The following SUZ12 variants were observed in gnomAD, a reference collection of about 807,000 sequenced individuals.
SUZ12 encodes the protein polycomb protein SUZ12.
A neutral mutation model predicts 87.3 loss-of-function variants in SUZ12; 17 were observed. The observed-to-expected ratio is 0.19, with a 90% CI of 0.13 to 0.29. The LOEUF (loss-of-function observed/expected upper bound fraction) is 0.29, where lower values mean the gene tolerates loss of function less well. Ranked by LOEUF, SUZ12 falls within the 10% of genes least tolerant of loss-of-function variation. The pLI, the probability that SUZ12 is intolerant of heterozygous loss-of-function variation, is 1.00. For synonymous variants in SUZ12, 253 were observed against 312.4 expected (o/e 0.81, Z 2.01); for missense variants, 526 against 912.2 (o/e 0.58, Z 5.45).
intron 10 of SUZ12, among the ~76,000 whole-genome samples, 173 bp from the exon 11 acceptor site, chr17:31,993,069 T>C (rs1909805086): frequency 6.6e-6 from 1 of 152,256 alleles, no homozygotes; most frequent in Non-Finnish European, 1.5e-5. Context: ...TTAGGGATGC[T>C]GAATTATGGG....
chr17:31,972,300 A>AATAT (rs1009766479), intron 5 of SUZ12, among the ~76,000 whole-genome samples: 7 of 151,030 alleles, frequency 4.6e-5, no homozygotes, highest in Admixed American at 1.3e-4. Context: ...GGAATTAGGA[A>AATAT]ATATATATAT....
chr17:31,962,124 G>C (rs1907757779), intron 4 of SUZ12, among the ~76,000 whole-genome samples: 1 of 152,144 alleles, frequency 6.6e-6, no homozygotes, highest in East Asian at 1.9e-4. Flanking sequence ...AGAGTATTTT[G>C]CTGGATACTT....
chr17:31,981,553 A>G (rs538419426), intron 8 of SUZ12, among the ~76,000 whole-genome samples: 1 of 152,212 alleles, frequency 6.6e-6, no homozygotes, highest in African/African-American at 2.4e-5. Flanking sequence ...AGCATAAGGA[A>G]GCTCCTTTTT....
chr17:31,977,680 G>A (rs1013899681), intron 8 of SUZ12, among the ~76,000 whole-genome samples: 2 of 152,120 alleles, frequency 1.3e-5, no homozygotes, highest in African/African-American at 4.8e-5. Flanking sequence ...CACGAGGTCA[G>A]GAGTTCGAGA....
At chr17:31,956,000 C>T (rs1168416659) in intron 4 of SUZ12, among the ~76,000 whole-genome samples, 4 of 151,808 alleles carry the variant, frequency 2.6e-5, no homozygotes, top group African/African-American at 9.7e-5. Flanking sequence ...CAAGCTCTGC[C>T]TTCCCGGGTT....
At chr17:31,981,602 ATAAAT>A (rs1186449656) in intron 8 of SUZ12, among the ~76,000 whole-genome samples, 2 of 152,218 alleles carry the variant, frequency 1.3e-5, no homozygotes, top group Non-Finnish European at 2.9e-5. Context: ...CTTTGAGTAA[ATAAAT>A]TAGTTTTTAA....
At chr17:31,977,390 C>T (rs1456773449) in intron 8 of SUZ12, among the ~76,000 whole-genome samples, 5 of 151,690 alleles carry the variant, frequency 3.3e-5, no homozygotes, top group African/African-American at 7.3e-5. Context: ...AGCAAGTCTC[C>T]TGCTTCAGCC....
At chr17:31,954,423 C>T (rs1313398266) in intron 4 of SUZ12, among the ~76,000 whole-genome samples, 1 of 151,998 alleles carries the variant, frequency 6.6e-6, no homozygotes. Flanking sequence ...AAACCTCCCC[C>T]TTTTTAAGCA....
chr17:31,958,159 C>T (rs957157754), intron 4 of SUZ12, among the ~76,000 whole-genome samples: 10 of 151,890 alleles, frequency 6.6e-5, no homozygotes, highest in Non-Finnish European at 1.2e-4. Flanking sequence ...ACCTCAGCCT[C>T]CCAAAGTGCC....
At chr17:31,951,482 C>CTTT (rs1038403579) in intron 4 of SUZ12, among the ~76,000 whole-genome samples, 3 of 133,286 alleles carry the variant, frequency 2.3e-5, no homozygotes, top group African/African-American at 5.5e-5. Flanking sequence ...GTGGTTAGTT[C>CTTT]TTTTTTTTTT....
At chr17:31,977,273 C>CTT (rs762777458) in intron 8 of SUZ12, among the ~76,000 whole-genome samples, 109 of 117,130 alleles carry the variant, frequency 9.3e-4, no homozygotes, top group Non-Finnish European at 1.4e-3. Context: ...GAGATCCCAT[C>CTT]TTTTTTTTTT....
At chr17:31,991,614 T>C (rs973665760) in intron 10 of SUZ12, among the ~76,000 whole-genome samples, 2 of 151,928 alleles carry the variant, frequency 1.3e-5, no homozygotes, top group Admixed American at 6.6e-5. Flanking sequence ...GAAATAATTA[T>C]TTTTTTTGGA....
intron 4 of SUZ12, among the ~76,000 whole-genome samples, chr17:31,958,226 A>G (rs1353870830): frequency 6.6e-6 from 1 of 151,956 alleles, no homozygotes; most frequent in East Asian, 1.9e-4. Flanking sequence ...TGTAGAGATG[A>G]GGTTTCACCG....
intron 8 of SUZ12, among the ~76,000 whole-genome samples, chr17:31,977,267 T>G (rs999840695): frequency 6.9e-6 from 1 of 145,590 alleles, no homozygotes; most frequent in Admixed American, 6.9e-5. Context: ...CAAAGTGAGA[T>G]CCCATCTTTT....
At chr17:31,940,256 C>G in intron 1 of SUZ12, 30 bp from the exon 2 acceptor site, 3 of 1,593,580 alleles carry the variant, frequency 1.9e-6, no homozygotes, top group Non-Finnish European at 2.6e-6. Context: ...AAGTTTAGAT[C>G]ATGTTTGGAT....
rs1906001993 is a variant in SUZ12 at position 31,937,414 on chromosome 17, C to G, written c.168C>G (p.Ser56=). 1 of 1,542,972 alleles carries G rather than the reference C, an allele frequency of 6.5e-7. No individual in the cohort carries two copies. Among genetic ancestry groups the G allele is most frequent in the Non-Finnish European group, 8.7e-7 (1 of 1,145,040 alleles). Residue 56 remains serine (S), a synonymous_variant, in exon 1 of 16, where the codon TCC becomes TCG. Transcript: ENST00000322652. ...GGGGTGGCAGTTACTCGGCCTCCTC[C>G]TCCTCCTCCGCGGCGGCAGCGGCGG... The part of the protein sequence containing the change: ...CGGGGSYSAS[S]SSSAAAAAGA...
rs376392267 is a variant in SUZ12, at chr17:31,982,979, T to A, written c.918-20T>A. 23 of 1,534,902 alleles carry A rather than the reference T, an allele frequency of 1.5e-5. No individual in the cohort carries two copies. In the African/African-American group the frequency reaches 3.1e-4, roughly 21 times the overall value. ...AGTAATAACACAGGTTACTTTAAAG[T>A]ATATGTGTTTGTCTAACAGGCGCTT... On this transcript the variant is annotated intron_variant, in intron 8 of 15. Transcript: ENST00000322652.
At chr17:31,989,765 ATTT>A (rs568524946) in intron 10 of SUZ12, among the ~76,000 whole-genome samples, 21 of 129,864 alleles carry the variant, frequency 1.6e-4, no homozygotes, top group African/African-American at 5.4e-4. Flanking sequence ...CGACCAGCTA[ATTT>A]TTTTTTTTTT....
intron 4 of SUZ12, among the ~76,000 whole-genome samples, chr17:31,956,522 T>G (rs1227889013): frequency 6.6e-6 from 1 of 152,112 alleles, no homozygotes; most frequent in Non-Finnish European, 1.5e-5. Flanking sequence ...TGTTTCTGCA[T>G]TGTTCTGTTT....
Sources: gnomAD v4.1 joint callset for allele counts (sites outside exome capture counted in the v4.1 genomes callset) on GRCh38, gnomAD v4.1.1 for gene constraint, MANE v1.5 for transcripts, NCBI Gene and HGNC (gene_info 2026-07-23, HGNC 2026-07-21) for gene names.